The following PRKD1 variants were observed in gnomAD, a reference collection of about 807,000 sequenced individuals.
The protein encoded by PRKD1 is serine/threonine-protein kinase D1.
A neutral mutation model predicts 95.9 loss-of-function variants in PRKD1; 63 were observed. That is an observed-to-expected ratio of 0.66 (90% CI 0.54 to 0.81). PRKD1 has a LOEUF of 0.81. Ranked by LOEUF, PRKD1 falls within the 30% of genes least tolerant of loss-of-function variation. The pLI, the probability that PRKD1 is intolerant of heterozygous loss-of-function variation, is 0.00. For missense variants in PRKD1, 1,048 were observed against 1,165.3 expected (o/e 0.90, Z 1.47); for synonymous variants, 425 against 423.1 (o/e 1.00, Z -0.05).
chr14:29,855,549 G>A (rs1892466233), intron 1 of PRKD1, among the ~76,000 whole-genome samples: 1 of 152,158 alleles, frequency 6.6e-6, no homozygotes, highest in Non-Finnish European at 1.5e-5. Context: ...TGGAGTTAAT[G>A]CTAAAATGAG....
intron 1 of PRKD1, among the ~76,000 whole-genome samples, chr14:29,824,199 C>A (rs1013886639): frequency 6.6e-6 from 1 of 152,126 alleles, no homozygotes; most frequent in African/African-American, 2.4e-5. Context: ...TTTATCATTT[C>A]AGAGAAACAG....
chr14:29,761,342 A>C (rs1046716979), intron 1 of PRKD1, among the ~76,000 whole-genome samples: 3 of 152,246 alleles, frequency 2.0e-5, no homozygotes, highest in African/African-American at 7.2e-5. Flanking sequence ...GCCCAAATTC[A>C]TAAGTAACTT....
chr14:29,761,905 C>G (rs1481462450), intron 1 of PRKD1, among the ~76,000 whole-genome samples: 3 of 151,848 alleles, frequency 2.0e-5, no homozygotes, highest in Non-Finnish European at 1.5e-5. Flanking sequence ...ACCTCAGCTC[C>G]CAAGTAGCTG....
chr14:29,906,406 G>T (rs761776984), intron 1 of PRKD1, among the ~76,000 whole-genome samples: 7 of 152,034 alleles, frequency 4.6e-5, no homozygotes, highest in Non-Finnish European at 1.0e-4. Context: ...GGGCATGGTG[G>T]TATGCTCCAG....
intron 2 of PRKD1, among the ~76,000 whole-genome samples, chr14:29,711,070 A>G (rs1216519471): frequency 6.6e-6 from 1 of 152,150 alleles, no homozygotes; most frequent in Non-Finnish European, 1.5e-5. Flanking sequence ...AGATTTATAC[A>G]TGAGATAAGC....
intron 1 of PRKD1, among the ~76,000 whole-genome samples, chr14:29,777,208 C>T (rs1468641858): frequency 6.6e-6 from 1 of 152,158 alleles, no homozygotes; most frequent in Non-Finnish European, 1.5e-5. Context: ...TTGTAAAGAT[C>T]ATCAATGCTA....
At chr14:29,915,553 T>C (rs1399913283) in intron 1 of PRKD1, among the ~76,000 whole-genome samples, 1 of 152,124 alleles carries the variant, frequency 6.6e-6, no homozygotes, top group East Asian at 1.9e-4. Flanking sequence ...TAATTATAAA[T>C]GCTGAAGGGG....
chr14:29,629,137 G>C, intron 10 of PRKD1, 44 bp from the exon 11 acceptor site: 1 of 1,535,934 alleles, frequency 6.5e-7, no homozygotes, highest in South Asian at 1.2e-5. Flanking sequence ...AAGTCAGTAA[G>C]AGATGTAATA....
chr14:29,839,112 T>C (rs1891728323), intron 1 of PRKD1, among the ~76,000 whole-genome samples: 1 of 152,152 alleles, frequency 6.6e-6, no homozygotes, highest in Admixed American at 6.5e-5. Flanking sequence ...AATTCCTCGT[T>C]TATGCCCTAA....
intron 1 of PRKD1, among the ~76,000 whole-genome samples, chr14:29,848,940 A>C (rs574974655): frequency 6.6e-6 from 1 of 152,344 alleles, no homozygotes; most frequent in Admixed American, 6.5e-5. Flanking sequence ...CAACCACAAC[A>C]ACAGAAGTTC....
intron 16 of PRKD1, among the ~76,000 whole-genome samples, chr14:29,581,755 A>T (rs1892763454): frequency 6.6e-6 from 1 of 152,194 alleles, no homozygotes; most frequent in African/African-American, 2.4e-5. Flanking sequence ...CATCTCTGTG[A>T]CCATAGCTCT....
In PRKD1 at chr14:29,826,844, C is replaced by CATATATATATAT. The variant is rs1228527833; in HGVS notation, c.264+100393_264+100404dup. Among the ~76,000 whole-genome samples the CATATATATATAT allele has an allele frequency of 1.6e-3, 45 of 28,654 alleles. 6 individuals carry two copies. The highest frequency in any genetic ancestry group is 2.9e-3 in the Admixed American group (5 of 1,728). 18.8% of individuals were successfully genotyped at this position (28,654 alleles called of 152,430 possible). A position where few individuals can be genotyped will look rare whatever the true frequency, so the allele number is the denominator to read the frequency against. ...ATATATATATATATATATATACACA[C>CATATATATATAT]ATATATATATATATATATATATATA... On this transcript the variant is annotated intron_variant, in intron 1 of 17. Transcript: ENST00000331968.
At chr14:29,657,301 T>TG (rs1881915907) in intron 4 of PRKD1, 1 of 152,182 alleles carries the variant, frequency 6.6e-6, no homozygotes, top group South Asian at 2.1e-4. Context: ...CTCAAGCTTT[T>TG]GGGGGGCAGC....
chr14:29,906,774 C>T (rs1293309981), intron 1 of PRKD1, among the ~76,000 whole-genome samples: 1 of 152,224 alleles, frequency 6.6e-6, no homozygotes, highest in Non-Finnish European at 1.5e-5. Flanking sequence ...ATTCACTTCA[C>T]AGGTGAGTGG....
chr14:29,754,089 C>T (rs1253131833), intron 1 of PRKD1, among the ~76,000 whole-genome samples: 1 of 152,174 alleles, frequency 6.6e-6, no homozygotes, highest in Non-Finnish European at 1.5e-5. Flanking sequence ...CCAACATTGG[C>T]TATTACCCAA....
At chr14:29,811,270 C>T (rs1890471563) in intron 1 of PRKD1, among the ~76,000 whole-genome samples, 1 of 152,164 alleles carries the variant, frequency 6.6e-6, no homozygotes, top group Admixed American at 6.5e-5. Flanking sequence ...GCAGACCTTC[C>T]AGGGTTCTAC....
At chr14:29,895,023 C>T (rs956084888) in intron 1 of PRKD1, among the ~76,000 whole-genome samples, 26 of 151,964 alleles carry the variant, frequency 1.7e-4, no homozygotes, top group African/African-American at 6.3e-4. Context: ...TACTCTCTAG[C>T]TCAACACCAT....
chr14:29,888,287 A>C (rs1340285088), intron 1 of PRKD1, among the ~76,000 whole-genome samples: 1 of 152,010 alleles, frequency 6.6e-6, no homozygotes, highest in Admixed American at 6.6e-5. Context: ...GCGAGAAGAA[A>C]GAAAGAGAGA....
chr14:29,645,200 A>G (rs2139157904), intron 4 of PRKD1, among the ~76,000 whole-genome samples: 1 of 152,302 alleles, frequency 6.6e-6, no homozygotes, highest in African/African-American at 2.4e-5. Flanking sequence ...TAAGACAACA[A>G]GAATAATCAA....
Sources: allele counts gnomAD v4.1 joint callset (sites outside exome capture counted in the v4.1 genomes callset), GRCh38; gene constraint gnomAD v4.1.1; transcripts MANE v1.5; gene names NCBI Gene and HGNC (gene_info 2026-07-23, HGNC 2026-07-21).